The following IGSF11 variants were observed in gnomAD, a reference collection of about 807,000 sequenced individuals.
IGSF11 encodes immunoglobulin superfamily member 11.
IGSF11 carries 22 observed loss-of-function variants against 41.0 expected under a neutral mutation model. That is an observed-to-expected ratio of 0.54 (90% CI 0.38 to 0.77). The LOEUF (loss-of-function observed/expected upper bound fraction) is 0.77, where lower values mean the gene tolerates loss of function less well. IGSF11 is among the 30% of genes least tolerant of loss of function. IGSF11 has a pLI of 0.00. For missense variants in IGSF11, 444 were observed against 530.8 expected (o/e 0.84, Z 1.61); for synonymous variants, 219 against 201.3 (o/e 1.09, Z -0.74).
At chr3:118,907,164 G>T (rs969833338) in intron 4 of IGSF11, among the ~76,000 whole-genome samples, 1 of 152,184 alleles carries the variant, frequency 6.6e-6, no homozygotes. Flanking sequence ...TTTTTACATG[G>T]AACTAAGATT....
intron 1 of IGSF11, among the ~76,000 whole-genome samples, chr3:118,976,996 G>A (rs553371994): frequency 3.1e-4 from 47 of 152,322 alleles, no homozygotes; most frequent in African/African-American, 1.1e-3. Context: ...AGGGGTCTAA[G>A]CCAGGGCATG....
intron 1 of IGSF11, among the ~76,000 whole-genome samples, chr3:118,940,561 A>G (rs1943605381): frequency 6.6e-6 from 1 of 152,132 alleles, no homozygotes; most frequent in African/African-American, 2.4e-5. Context: ...AACTGTGACC[A>G]TTAGTCAAAA....
At chr3:119,050,330 G>T (rs1391654298) in intron 1 of IGSF11, among the ~76,000 whole-genome samples, 1 of 152,160 alleles carries the variant, frequency 6.6e-6, no homozygotes, top group Non-Finnish European at 1.5e-5. Flanking sequence ...CAAAAAGTGG[G>T]CAAAGGACGT....
At chr3:118,972,465 G>C (rs1448642912) in intron 1 of IGSF11, among the ~76,000 whole-genome samples, 1 of 152,102 alleles carries the variant, frequency 6.6e-6, no homozygotes, top group African/African-American at 2.4e-5. Context: ...TAAACTGCAG[G>C]TTCCGTAGGG....
chr3:119,124,116 C>A (rs1473020378), intron 1 of IGSF11, among the ~76,000 whole-genome samples: 3 of 151,992 alleles, frequency 2.0e-5, no homozygotes, highest in African/African-American at 7.3e-5. Context: ...TTCAAGATTT[C>A]TTTGAAGGAA....
chr3:119,120,824 T>C (rs1314763685), intron 1 of IGSF11, among the ~76,000 whole-genome samples: 1 of 152,226 alleles, frequency 6.6e-6, no homozygotes, highest in Admixed American at 6.5e-5. Context: ...GGAATTTACA[T>C]ATAAAAGATC....
chr3:118,929,692 T>A (rs76776299), intron 2 of IGSF11, among the ~76,000 whole-genome samples: 1 of 152,202 alleles, frequency 6.6e-6, no homozygotes, highest in Non-Finnish European at 1.5e-5. Flanking sequence ...CTCACTAACA[T>A]GGCTAGTCAT....
At chr3:119,130,482 C>A (rs1178891010) in intron 1 of IGSF11, among the ~76,000 whole-genome samples, 2 of 152,202 alleles carry the variant, frequency 1.3e-5, no homozygotes. Context: ...GATGGAATTG[C>A]AAGGCTGCAG....
chr3:118,935,841 T>G (rs1279249426), intron 1 of IGSF11, among the ~76,000 whole-genome samples: 1 of 152,184 alleles, frequency 6.6e-6, no homozygotes. Flanking sequence ...AAGATTTTCT[T>G]ATTCTGTTTC....
At chr3:119,128,195 T>C (rs189613819) in intron 1 of IGSF11, among the ~76,000 whole-genome samples, 386 of 151,964 alleles carry the variant, frequency 2.5e-3, no homozygotes, top group Middle Eastern at 3.4e-3. Context: ...TCTATATCTA[T>C]TAAAAATACA....
chr3:119,043,699 G>A (rs1487299114), intron 1 of IGSF11, among the ~76,000 whole-genome samples: 1 of 152,186 alleles, frequency 6.6e-6, no homozygotes, highest in Non-Finnish European at 1.5e-5. Flanking sequence ...TGGTATCCAT[G>A]GCTGGGAGAC....
At chr3:118,958,271 GAAGA>G (rs138009504) in intron 1 of IGSF11, among the ~76,000 whole-genome samples, 2,036 of 152,210 alleles carry the variant, frequency 0.013, 26 homozygotes, top group Middle Eastern at 0.034. Flanking sequence ...TTCCATAAAA[GAAGA>G]AAGAAATACG....
At chr3:119,131,404 C>A (rs4643702) in intron 1 of IGSF11, among the ~76,000 whole-genome samples, 4 of 151,758 alleles carry the variant, frequency 2.6e-5, no homozygotes, top group Non-Finnish European at 5.9e-5. Context: ...CTTCATGATG[C>A]GTACACAAGC....
At chr3:118,925,413 T>C (rs1576383721) in intron 4 of IGSF11, among the ~76,000 whole-genome samples, 1 of 152,204 alleles carries the variant, frequency 6.6e-6, no homozygotes, top group Non-Finnish European at 1.5e-5. Context: ...GTATTAGAGA[T>C]GACGTAATAT....
intron 1 of IGSF11, among the ~76,000 whole-genome samples, chr3:119,099,577 G>T (rs1453314750): frequency 6.6e-6 from 1 of 152,128 alleles, no homozygotes; most frequent in Non-Finnish European, 1.5e-5. Flanking sequence ...ATGGAAAAAG[G>T]TAAACTACTA....
chr3:119,132,859 A>C (rs189832488), intron 1 of IGSF11, among the ~76,000 whole-genome samples: 162 of 152,348 alleles, frequency 1.1e-3, no homozygotes, highest in African/African-American at 3.8e-3. Flanking sequence ...AAATCACAAC[A>C]AACTATCTCT....
intron 1 of IGSF11, among the ~76,000 whole-genome samples, chr3:119,009,536 C>T (rs903688415): frequency 3.9e-5 from 6 of 152,176 alleles, no homozygotes; most frequent in Admixed American, 1.3e-4. Context: ...GAAGAAGGTA[C>T]TTGCTTTTCC....
At chr3:119,029,265 CA>C (rs1458959193) in intron 1 of IGSF11, among the ~76,000 whole-genome samples, 8 of 148,772 alleles carry the variant, frequency 5.4e-5, no homozygotes, top group Non-Finnish European at 1.2e-4. Flanking sequence ...CACACACACA[CA>C]CACACACACC....
At chr3:119,045,870 C>T (rs538835065) in intron 1 of IGSF11, among the ~76,000 whole-genome samples, 1 of 151,976 alleles carries the variant, frequency 6.6e-6, no homozygotes, top group East Asian at 1.9e-4. Flanking sequence ...GGAGGCACCC[C>T]CCAGCAGGGG....
Sources: allele counts gnomAD v4.1 joint callset (sites outside exome capture counted in the v4.1 genomes callset), GRCh38; gene constraint gnomAD v4.1.1; transcripts MANE v1.5; gene names NCBI Gene and HGNC (gene_info 2026-07-23, HGNC 2026-07-21).